The following COL14A1 variants were observed in gnomAD, a reference collection of about 807,000 sequenced individuals.
The protein encoded by COL14A1 is collagen alpha-1(XIV) chain.
In COL14A1, 136 loss-of-function variants were observed where a neutral mutation model predicts 230.3. That is an observed-to-expected ratio of 0.59 (90% confidence interval 0.51 to 0.68). The LOEUF is 0.68. Ranked by LOEUF, COL14A1 falls within the 30% of genes least tolerant of loss-of-function variation. The probability of loss-of-function intolerance (pLI) is 0.00; values close to 1 mark genes in which losing one functional copy is unlikely to be tolerated. For missense variants in COL14A1, 1,976 were observed against 2,215.8 expected (o/e 0.89, Z 2.17); for synonymous variants, 792 against 784.1 (o/e 1.01, Z -0.17).
intron 45 of COL14A1, among the ~76,000 whole-genome samples, chr8:120,353,685 A>T (rs1822859323): frequency 6.7e-6 from 1 of 149,968 alleles, no homozygotes; most frequent in African/African-American, 2.5e-5. Context: ...TCAAAACCAC[A>T]ATGAGATACC....
intron 5 of COL14A1, among the ~76,000 whole-genome samples, chr8:120,170,260 T>G (rs960137148): frequency 1.1e-4 from 17 of 152,006 alleles, no homozygotes; most frequent in Admixed American, 1.1e-3. Context: ...TCCCTTAATT[T>G]TTAATTTTTC....
chr8:120,241,484 G>A (rs779413917), intron 19 of COL14A1, among the ~76,000 whole-genome samples: 20 of 152,148 alleles, frequency 1.3e-4, no homozygotes, highest in Non-Finnish European at 2.9e-4. Flanking sequence ...ATCCATTTCT[G>A]AAAAAAATTA....
intron 40 of COL14A1, among the ~76,000 whole-genome samples, chr8:120,319,950 A>G (rs1821380482): frequency 6.6e-6 from 1 of 152,194 alleles, no homozygotes; most frequent in African/African-American, 2.4e-5. Flanking sequence ...TTTGCACTGT[A>G]AATCTTGTCA....
At chr8:120,173,046 C>T (rs890330222) in intron 5 of COL14A1, among the ~76,000 whole-genome samples, 3 of 152,100 alleles carry the variant, frequency 2.0e-5, no homozygotes, top group African/African-American at 4.8e-5. Flanking sequence ...CTGATTCTTG[C>T]CTGAGTCAGT....
intron 22 of COL14A1, among the ~76,000 whole-genome samples, chr8:120,252,900 ACT>A (rs751824626): frequency 1.3e-5 from 2 of 152,148 alleles, no homozygotes; most frequent in Non-Finnish European, 2.9e-5. Flanking sequence ...GGTGTCCTGA[ACT>A]CTCTGTCGTG....
At chr8:120,292,966 C>T (rs192028887) in intron 34 of COL14A1, among the ~76,000 whole-genome samples, 43 of 152,174 alleles carry the variant, frequency 2.8e-4, no homozygotes, top group Non-Finnish European at 1.3e-4. Context: ...ACAGTCTCTA[C>T]TGGGGCTAAC....
chr8:120,195,080 G>T (rs1816983115), intron 5 of COL14A1, among the ~76,000 whole-genome samples: 1 of 152,246 alleles, frequency 6.6e-6, no homozygotes, highest in African/African-American at 2.4e-5. Flanking sequence ...ATGAATATTG[G>T]AGTATTTCAT....
chr8:120,308,357 CA>C (rs1327211727), intron 36 of COL14A1, among the ~76,000 whole-genome samples: 1 of 152,186 alleles, frequency 6.6e-6, no homozygotes, highest in African/African-American at 2.4e-5. Context: ...AATGGCTAAA[CA>C]AACTCTTAAC....
chr8:120,253,070 A>C (rs1219903809), intron 22 of COL14A1, among the ~76,000 whole-genome samples: 2 of 152,178 alleles, frequency 1.3e-5, no homozygotes, highest in Non-Finnish European at 2.9e-5. Flanking sequence ...GAAACCTCCA[A>C]GTATTTCCTC....
intron 19 of COL14A1, among the ~76,000 whole-genome samples, chr8:120,238,608 G>A (rs1563690005): frequency 6.6e-6 from 1 of 152,160 alleles, no homozygotes; most frequent in South Asian, 2.1e-4. Context: ...CCTTTCCAGG[G>A]GAGTGAATGG....
intron 14 of COL14A1, 76 bp downstream of exon 14, chr8:120,216,566 C>G (rs1817757699): frequency 1.4e-6 from 2 of 1,416,822 alleles, no homozygotes; most frequent in Non-Finnish European, 1.9e-6. Context: ...CCAATCATCT[C>G]AAAGCCTAGT....
rs974835382 is a variant in COL14A1 at position 120,142,362 on chromosome 8, C to T, written c.-37-5444C>T. On this transcript the variant is annotated intron_variant, in intron 1 of 47. Coordinates refer to ENST00000297848, the MANE Select transcript of COL14A1 (RefSeq NM_021110.4). The stretch of plus-strand genomic sequence containing the variant: ...TCTGTCTACAGAAGAGCTGCTTATA[C>T]TTGTTTGGATAATCCACTAATCTTG... Among the ~76,000 whole-genome samples the T allele has an allele frequency of 2.7e-4, 41 of 152,294 alleles. 1 individual carries two copies. Among genetic ancestry groups the T allele is most frequent in the Admixed American group, 2.3e-3 (35 of 15,286 alleles).
chr8:120,259,089 T>C (rs1417560837), intron 23 of COL14A1, among the ~76,000 whole-genome samples: 1 of 152,164 alleles, frequency 6.6e-6, no homozygotes, highest in Non-Finnish European at 1.5e-5. Flanking sequence ...AACTGCAGCA[T>C]AGTGGAGAGC....
chr8:120,252,049 G>C (rs1256677956), intron 22 of COL14A1, among the ~76,000 whole-genome samples: 4 of 151,780 alleles, frequency 2.6e-5, no homozygotes, highest in African/African-American at 9.7e-5. Flanking sequence ...ATATATTCAA[G>C]GTGTAGATAC....
chr8:120,245,291 T>C (rs1818728299), intron 20 of COL14A1, among the ~76,000 whole-genome samples: 1 of 152,126 alleles, frequency 6.6e-6, no homozygotes, highest in African/African-American at 2.4e-5. Context: ...TCACTTTCTG[T>C]CTCCCATCCC....
chr8:120,355,072 G>A (rs944709300), intron 45 of COL14A1, among the ~76,000 whole-genome samples: 4 of 152,144 alleles, frequency 2.6e-5, no homozygotes, highest in African/African-American at 9.7e-5. Context: ...TCACTGAACC[G>A]TGACAATCCA....
At chr8:120,225,317 A>C in intron 15 of COL14A1, 103 bp downstream of exon 15, 1 of 976,118 alleles carries the variant, frequency 1.0e-6, no homozygotes, top group Non-Finnish European at 1.5e-6. Flanking sequence ...GAAGAGATTA[A>C]ATTTTAATTT....
At chr8:120,286,014 A>G (rs760677486) in intron 33 of COL14A1, 44 bp downstream of exon 33, 4 of 1,145,792 alleles carry the variant, frequency 3.5e-6, no homozygotes, top group Middle Eastern at 2.5e-4. Context: ...TCTATTTGCT[A>G]TTGAACAAAG....
At chr8:120,360,459 A>C (rs1823153661) in intron 45 of COL14A1, among the ~76,000 whole-genome samples, 1 of 152,164 alleles carries the variant, frequency 6.6e-6, no homozygotes, top group Non-Finnish European at 1.5e-5. Context: ...CCAAAGCCAT[A>C]CCAAACCATT....
Sources: allele counts gnomAD v4.1 joint callset (sites outside exome capture counted in the v4.1 genomes callset), GRCh38; gene constraint gnomAD v4.1.1; transcripts MANE v1.5; gene names NCBI Gene and HGNC (gene_info 2026-07-23, HGNC 2026-07-21).